KLHL3: variants seen among roughly 807,000 people sequenced by gnomAD.
KLHL3 encodes the protein kelch like family member 3.
KLHL3 carries 19 observed loss-of-function variants against 70.5 expected under a neutral mutation model. That is an observed-to-expected ratio of 0.27 (90% confidence interval 0.19 to 0.40). The LOEUF is 0.40. KLHL3 is among the 10% of genes least tolerant of loss of function. KLHL3 has a pLI of 1.00. For missense variants in KLHL3, 512 were observed against 771.1 expected (o/e 0.66, Z 3.98); for synonymous variants, 258 against 290.3 (o/e 0.89, Z 1.13).
chr5:137,726,680 G>A (rs972471641), intron 1 of KLHL3, among the ~76,000 whole-genome samples: 1 of 152,038 alleles, frequency 6.6e-6, no homozygotes, highest in African/African-American at 2.4e-5. Flanking sequence ...CATACCCAGA[G>A]GGCAAGGAAC....
chr5:137,674,916 T>C (rs2149905836), intron 6 of KLHL3, among the ~76,000 whole-genome samples: 1 of 152,350 alleles, frequency 6.6e-6, no homozygotes, highest in South Asian at 2.1e-4. Context: ...GAAAAACATC[T>C]AATTGTCAGA....
intron 1 of KLHL3, among the ~76,000 whole-genome samples, chr5:137,728,749 A>G (rs575219774): frequency 1.3e-5 from 2 of 152,236 alleles, no homozygotes; most frequent in South Asian, 4.2e-4. Flanking sequence ...TGTTTGGGGG[A>G]ATCCAACAAA....
At position 137,707,385 on chromosome 5, in the gene KLHL3, G is replaced by A. The variant is rs151136551; in HGVS notation, c.241+2365C>T. Among the ~76,000 whole-genome samples the A allele has an allele frequency of 9.2e-3, 1,400 of 152,060 alleles. 23 individuals carry two copies. Among genetic ancestry groups the A allele is most frequent in the African/African-American group, 0.032 (1,317 of 41,486 alleles). ...GAGGCGAAGGTGGCAGTGAGTTGAG[G>A]CTGCACCACTATACTCCAGCCTGAG... On this transcript the variant is annotated intron_variant, in intron 3 of 14. Transcript: ENST00000309755.
chr5:137,723,931 A>T (rs755634528), intron 1 of KLHL3, among the ~76,000 whole-genome samples: 9 of 152,222 alleles, frequency 5.9e-5, no homozygotes, highest in Non-Finnish European at 8.8e-5. Context: ...AAGTAATGCT[A>T]AATTTTATCA....
intron 6 of KLHL3, among the ~76,000 whole-genome samples, chr5:137,666,337 C>T (rs1751613724): frequency 6.6e-6 from 1 of 152,112 alleles, no homozygotes; most frequent in Admixed American, 6.6e-5. Flanking sequence ...CCCATTCTGC[C>T]TTGTATGTGG....
At chr5:137,718,694 G>A (rs1056980533) in intron 2 of KLHL3, among the ~76,000 whole-genome samples, 3 of 152,172 alleles carry the variant, frequency 2.0e-5, no homozygotes, top group South Asian at 2.1e-4. Flanking sequence ...AGAACTAAAT[G>A]AGGAATTTCA....
At chr5:137,633,786 G>C (rs1165376088) in intron 12 of KLHL3, among the ~76,000 whole-genome samples, 2 of 152,160 alleles carry the variant, frequency 1.3e-5, no homozygotes, top group African/African-American at 4.8e-5. Flanking sequence ...ATAAAGATGA[G>C]AACAATAGAC....
chr5:137,659,473 C>A (rs577427871), intron 7 of KLHL3, among the ~76,000 whole-genome samples: 1 of 152,256 alleles, frequency 6.6e-6, no homozygotes, highest in African/African-American at 2.4e-5. Flanking sequence ...ACCTCCCTCC[C>A]CAGAGACAGT....
At chr5:137,661,602 A>G (rs1418867413) in intron 7 of KLHL3, 1 of 224,636 alleles carries the variant, frequency 4.5e-6, no homozygotes, top group Non-Finnish European at 8.6e-6. Context: ...CTACTCCTTT[A>G]GTCCTCACAA....
In KLHL3 at chr5:137,720,954, T is replaced by C. The variant is rs139016226; in HGVS notation, c.15-370A>G. ...CTGGAGGCTACTATGTGCCAGGCAC[T>C]GCGTTTAGATTTAAGGGAAACAAAA... On this transcript the variant is annotated intron_variant, in intron 1 of 14. Transcript: ENST00000309755. The C allele has an allele frequency of 6.5e-6, 6 of 919,922 alleles. No individual in the cohort carries two copies. In the East Asian group the frequency reaches 6.0e-4, roughly 93 times the overall value. 57.0% of individuals were successfully genotyped at this position (919,922 alleles called of 1,614,324 possible).
At chr5:137,672,541 T>C (rs986761423) in intron 6 of KLHL3, 5 of 152,214 alleles carry the variant, frequency 3.3e-5, no homozygotes, top group African/African-American at 9.6e-5. Flanking sequence ...TTAATAAATT[T>C]CTTCCTGACC....
chr5:137,662,114 AAG>A (rs1554092409), intron 6 of KLHL3, 83 bp from the exon 7 acceptor site: 15 of 514,022 alleles, frequency 2.9e-5, no homozygotes, highest in Non-Finnish European at 4.7e-5. Flanking sequence ...AAAAAAAAAA[AAG>A]AGAGAGAGAA....
chr5:137,646,486 T>C (rs1458961095), intron 8 of KLHL3, among the ~76,000 whole-genome samples: 4 of 152,234 alleles, frequency 2.6e-5, no homozygotes, highest in Non-Finnish European at 4.4e-5. Flanking sequence ...TGAGTGCTAA[T>C]GGATAGTTGT....
chr5:137,697,161 CT>C (rs57501372), intron 4 of KLHL3, among the ~76,000 whole-genome samples: 113,584 of 146,692 alleles, frequency 0.77, 43,951 homozygotes, highest in East Asian at 0.98. Context: ...TCTTCCCAAT[CT>C]TTTTTTTTTT....
rs1750864072 is a variant in KLHL3 at position 137,639,746 on chromosome 5, A to C, written c.1021+114T>G. The C allele has an allele frequency of 1.4e-6, 1 of 730,130 alleles. No homozygotes were observed. Among genetic ancestry groups the C allele is most frequent in the Non-Finnish European group, 2.3e-6 (1 of 430,698 alleles). The allele number at this position is 730,130 out of a possible 1,614,324, so 45.2% of individuals were successfully genotyped here. On this transcript the variant is annotated intron_variant, in intron 9 of 14. Transcript: ENST00000309755. The surrounding 1 kb of genome is among the most constrained non-coding windows in gnomAD (Gnocchi z 5.0). ...AAAAAAGTGTGCAGGAGGGAAACGA[A>C]TGGGAGCCTGAAATGCACAGATGCT...
At chr5:137,622,220 A>G in intron 14 of KLHL3, 94 bp from the exon 15 acceptor site, 2 of 1,429,582 alleles carry the variant, frequency 1.4e-6, no homozygotes, top group Non-Finnish European at 2.0e-6. Context: ...CCTGAGTCAC[A>G]GCCAAGGGAA....
At chr5:137,722,888 C>T (rs553480548) in intron 1 of KLHL3, among the ~76,000 whole-genome samples, 3 of 152,122 alleles carry the variant, frequency 2.0e-5, no homozygotes, top group African/African-American at 2.4e-5. Flanking sequence ...AGGCTGTTCT[C>T]GAACTCCTGG....
At chr5:137,701,330 G>A (rs1303783958) in intron 3 of KLHL3, among the ~76,000 whole-genome samples, 8 of 152,158 alleles carry the variant, frequency 5.3e-5, no homozygotes, top group Non-Finnish European at 1.0e-4. Context: ...TTACAGGCAT[G>A]AGCCACCGTG....
At chr5:137,632,962 T>A (rs932467493) in intron 12 of KLHL3, among the ~76,000 whole-genome samples, 1 of 152,078 alleles carries the variant, frequency 6.6e-6, no homozygotes, top group African/African-American at 2.4e-5. Flanking sequence ...CAGTGAGATA[T>A]CATCTTACAG....
Sources: allele counts gnomAD v4.1 joint callset (sites outside exome capture counted in the v4.1 genomes callset), GRCh38; gene constraint gnomAD v4.1.1; non-coding constraint Gnocchi (gnomAD v3.1); transcripts MANE v1.5; gene names NCBI Gene and HGNC (gene_info 2026-07-23, HGNC 2026-07-21).